The following TTC39B variants were observed in gnomAD, a reference collection of about 807,000 sequenced individuals.
TTC39B encodes the protein tetratricopeptide repeat protein 39B.
In TTC39B, 92 loss-of-function variants were observed where a neutral mutation model predicts 96.6. The observed-to-expected ratio is 0.95, with a 90% CI of 0.80 to 1.13. The LOEUF (loss-of-function observed/expected upper bound fraction) is 1.13. Ranked by LOEUF, TTC39B falls within the 50% of genes most tolerant of loss-of-function variation. The pLI, the probability that TTC39B is intolerant of heterozygous loss-of-function variation, is 0.00. For missense variants in TTC39B, 955 were observed against 809.3 expected (o/e 1.18, Z -2.18); for synonymous variants, 367 against 299.4 (o/e 1.23, Z -2.33).
At position 15,203,814 on chromosome 9, in the gene TTC39B, A is replaced by T; in HGVS notation, c.759+9T>A. The T allele has an allele frequency of 6.2e-7, 1 of 1,609,926 alleles. No individual in the cohort carries two copies. The highest frequency in any genetic ancestry group is 1.3e-5 in the African/African-American group (1 of 74,922). On this transcript the variant is annotated intron_variant, in intron 7 of 19. Transcript: ENST00000512701. ...AGCCAATACGAATTCCAAGCCAAAT[A>T]TTCATTACCTGCACAAACGTGAGTG...
At chr9:15,243,987 C>CA (rs1822163692) in intron 2 of TTC39B, among the ~76,000 whole-genome samples, 1 of 152,226 alleles carries the variant, frequency 6.6e-6, no homozygotes, top group Non-Finnish European at 1.5e-5. Context: ...ACTACTCCAA[C>CA]AGCTGCTGTT....
intron 1 of TTC39B, among the ~76,000 whole-genome samples, chr9:15,269,803 C>G (rs182269798): frequency 6.6e-6 from 1 of 150,772 alleles, no homozygotes; most frequent in East Asian, 1.9e-4. Flanking sequence ...TACAGTGAGC[C>G]GAGATCATGC....
exon 20 of TTC39B, chr9:15,171,284 C>T (rs1283267353): frequency 6.6e-6 from 1 of 152,144 alleles, no homozygotes; most frequent in African/African-American, 2.4e-5. Context: ...GCTCTCATTG[C>T]TAAGGTTAAG....
intron 7 of TTC39B, among the ~76,000 whole-genome samples, chr9:15,201,858 C>G (rs987749698): frequency 2.0e-5 from 3 of 152,156 alleles, no homozygotes; most frequent in African/African-American, 7.2e-5. Flanking sequence ...CATACTCAAT[C>G]AATCAGAGCT....
At chr9:15,284,318 G>A (rs904352215) in intron 1 of TTC39B, among the ~76,000 whole-genome samples, 9 of 152,174 alleles carry the variant, frequency 5.9e-5, no homozygotes, top group Non-Finnish European at 1.0e-4. Flanking sequence ...TTAGAAGTCC[G>A]TTTTGCAGGA....
intron 6 of TTC39B, 141 bp downstream of exon 6, chr9:15,209,947 T>C (rs2131343921): frequency 4.7e-6 from 3 of 642,328 alleles, no homozygotes; most frequent in Non-Finnish European, 8.2e-6. Context: ...CTATTAACAA[T>C]GATTTCTTCC....
Position 15,195,996 on chromosome 9 carries a change from C to T in TTC39B, c.825-3301G>A, listed in dbSNP as rs565022622. 1.2e-3 allele frequency among the ~76,000 whole-genome samples: 180 copies of T among 152,310 alleles called. 1 individual carries two copies. Among genetic ancestry groups the T allele is most frequent in the Non-Finnish European group, 2.0e-3 (136 of 68,030 alleles). On this transcript the variant is annotated intron_variant, in intron 8 of 19. Transcript: ENST00000512701. ...TATCCTAAGGCCCTTAACAATTGTC[C>T]TAAATCTACTCTGCCAGTGCTCTAT... is the stretch of plus-strand genomic sequence containing the variant.
At chr9:15,282,490 T>C (rs1823804159) in intron 1 of TTC39B, among the ~76,000 whole-genome samples, 1 of 152,330 alleles carries the variant, frequency 6.6e-6, no homozygotes, top group African/African-American at 2.4e-5. Flanking sequence ...ACTCTTAACA[T>C]GGGTTTACTG....
intron 1 of TTC39B, among the ~76,000 whole-genome samples, chr9:15,303,585 G>A (rs1215112): frequency 0.89 from 135,111 of 152,050 alleles, 60,117 homozygotes; most frequent in East Asian, 0.97. Context: ...ACTGCGTTAC[G>A]CAGGTTGAAA....
chr9:15,281,625 CAA>C (rs1161175672), intron 1 of TTC39B, among the ~76,000 whole-genome samples: 23 of 48,996 alleles, frequency 4.7e-4, no homozygotes, highest in Non-Finnish European at 5.8e-4. Context: ...CCTGCAACAG[CAA>C]AAAAAAAAAA....
chr9:15,269,466 G>A (rs1272279791), intron 1 of TTC39B, among the ~76,000 whole-genome samples: 5 of 152,190 alleles, frequency 3.3e-5, no homozygotes, highest in Non-Finnish European at 5.9e-5. Flanking sequence ...GGGGGCTAGG[G>A]ATCTTTTCCC....
Position 15,189,769 on chromosome 9 carries a change from C to A in TTC39B, c.1129G>T (p.Glu377Ter). 3 of 1,612,702 alleles carry A rather than the reference C, an allele frequency of 1.9e-6. No individual in the cohort carries two copies. The highest frequency in any genetic ancestry group is 2.5e-6 in the Non-Finnish European group (3 of 1,179,258). Residue 377 changes from glutamate to a stop codon, truncating the protein, a stop_gained, in exon 12 of 20, where the codon GAA becomes TAA. Transcript: ENST00000512701. LOFTEE classifies it high-confidence loss of function. The stretch of plus-strand genomic sequence containing the variant: ...AAGGGTGCCAGGAGACGCTCTGCTT[C>A]CGCAACATTCACTTCTCCTGTACCT...
chr9:15,234,356 T>G (rs1485132062), intron 2 of TTC39B, among the ~76,000 whole-genome samples: 5 of 131,328 alleles, frequency 3.8e-5, no homozygotes, highest in African/African-American at 1.5e-4. Context: ...GGCAGGGAGG[T>G]GGGGGGGTCA....
intron 1 of TTC39B, among the ~76,000 whole-genome samples, chr9:15,274,902 G>C (rs1487731616): frequency 1.3e-5 from 2 of 151,942 alleles, no homozygotes; most frequent in African/African-American, 2.4e-5. Context: ...AAAACATAAA[G>C]CTCATGCTTT....
rs1279507832 is a variant in TTC39B at position 15,264,378 on chromosome 9, GCA to G, written c.275+3534_275+3535del. 3.3e-5 allele frequency among the ~76,000 whole-genome samples: 5 copies of G among 152,200 alleles called. No homozygotes were observed. In the East Asian group the frequency reaches 7.7e-4, roughly 23 times the overall value. On this transcript the variant is annotated intron_variant, in intron 2 of 19. Coordinates refer to ENST00000512701, the Ensembl canonical transcript of TTC39B. ...AAAAAAATGGGTAACTAGGCCAGGC[GCA>G]GTGGCTCATGCCTGTAATCCCAGCA...
At chr9:15,297,263 T>A (rs992470275) in intron 1 of TTC39B, among the ~76,000 whole-genome samples, 1 of 152,172 alleles carries the variant, frequency 6.6e-6, no homozygotes, top group African/African-American at 2.4e-5. Flanking sequence ...GAAGCCCAGG[T>A]CGAATGTCAC....
At chr9:15,174,260 CTAG>C (rs34545220) in intron 19 of TTC39B, among the ~76,000 whole-genome samples, 108,465 of 151,722 alleles carry the variant, frequency 0.71, 39,546 homozygotes, top group African/African-American at 0.86. Context: ...AAAGCCTTTA[CTAG>C]TAGTGTCTGA....
At chr9:15,185,655 A>G in intron 15 of TTC39B, 1 of 396,476 alleles carries the variant, frequency 2.5e-6, no homozygotes, top group Non-Finnish European at 4.5e-6. Flanking sequence ...CAAGATTGAG[A>G]ACCACTGACT....
chr9:15,191,359 T>C, intron 9 of TTC39B, 104 bp from the exon 10 acceptor site: 3 of 733,936 alleles, frequency 4.1e-6, no homozygotes, highest in Non-Finnish European at 2.2e-6. Context: ...ACATGAGAAA[T>C]TGGGAACAAG....
Sources: allele counts gnomAD v4.1 joint callset (sites outside exome capture counted in the v4.1 genomes callset), GRCh38; gene constraint gnomAD v4.1.1; transcripts MANE v1.5; gene names NCBI Gene and HGNC (gene_info 2026-07-23, HGNC 2026-07-21).